OR51B5: variants seen among roughly 807,000 people sequenced by gnomAD.
OR51B5 encodes olfactory receptor 51B5.
For missense variants in OR51B5, 456 were observed against 374.6 expected (o/e 1.22, Z -1.79); for synonymous variants, 186 against 144.8 (o/e 1.28, Z -2.04).
intron 1 of OR51B5, among the ~76,000 whole-genome samples, chr11:5,400,244 G>A (rs6578638): frequency 0.94 from 142,647 of 152,268 alleles, 67,252 homozygotes; most frequent in Non-Finnish European, 0.98. Context: ...TCAGAGCATG[G>A]TAAGTGTCCA....
At chr11:5,356,937 G>C (rs1433378668) in intron 1 of OR51B5, among the ~76,000 whole-genome samples, 1 of 151,456 alleles carries the variant, frequency 6.6e-6, no homozygotes, top group Non-Finnish European at 1.5e-5. Flanking sequence ...GAGAGATTTT[G>C]TCATCACCAG....
chr11:5,461,860 C>G (rs1017063967), intron 1 of OR51B5, among the ~76,000 whole-genome samples: 30 of 152,302 alleles, frequency 2.0e-4, no homozygotes, highest in African/African-American at 6.7e-4. Flanking sequence ...CAGCTTCTGC[C>G]TGTTTCAGCA....
chr11:5,372,859 G>A (rs1367558568), intron 1 of OR51B5, among the ~76,000 whole-genome samples: 1 of 152,018 alleles, frequency 6.6e-6, no homozygotes, highest in Non-Finnish European at 1.5e-5. Flanking sequence ...CCCCCAAATG[G>A]CCAAAACAAT....
At chr11:5,422,989 T>C in intron 1 of OR51B5, 1 of 1,614,150 alleles carries the variant, frequency 6.2e-7, no homozygotes, top group Non-Finnish European at 8.5e-7. Flanking sequence ...TATCTATGAC[T>C]CATCGCTTTG....
chr11:5,479,854 T>A (rs1851386799), intron 1 of OR51B5, among the ~76,000 whole-genome samples: 1 of 141,782 alleles, frequency 7.1e-6, no homozygotes, highest in Non-Finnish European at 1.5e-5. Flanking sequence ...GCACCCAGAT[T>A]CATAAAGCAA....
chr11:5,364,589 AACTAAGCGTGAGAGGTAT>A (rs11267107), intron 1 of OR51B5, among the ~76,000 whole-genome samples: 40,576 of 151,934 alleles, frequency 0.27, 5,658 homozygotes, highest in African/African-American at 0.32. Context: ...TGAAAAAATA[AACTAAGCGTGAGAGGTAT>A]TTATGTGTCT....
chr11:5,345,181 T>C (rs999804477), upstream of OR51B5, among the ~76,000 whole-genome samples: 4 of 152,214 alleles, frequency 2.6e-5, no homozygotes, highest in African/African-American at 9.6e-5. Context: ...ATTAGGACAC[T>C]TTGAAAATCA....
chr11:5,430,078 T>G (rs1850513347), intron 1 of OR51B5, among the ~76,000 whole-genome samples: 2 of 152,042 alleles, frequency 1.3e-5, no homozygotes, highest in Admixed American at 1.3e-4. Context: ...AATAAACAAT[T>G]TATTGTTTGA....
chr11:5,378,527 C>T (rs1336153124), intron 1 of OR51B5, among the ~76,000 whole-genome samples: 1 of 152,070 alleles, frequency 6.6e-6, no homozygotes, highest in Admixed American at 6.5e-5. Flanking sequence ...AACAGGCAAC[C>T]TACACAATGG....
At chr11:5,340,641 A>G (rs184097750), downstream of OR51B5, 1 of 152,216 alleles carries the variant, frequency 6.6e-6, no homozygotes, top group African/African-American at 2.4e-5. Context: ...TACTACAAGC[A>G]TGACGGAATA....
chr11:5,493,920 T>C (rs1275927750), intron 1 of OR51B5, among the ~76,000 whole-genome samples: 2 of 152,210 alleles, frequency 1.3e-5, no homozygotes, highest in Non-Finnish European at 2.9e-5. Flanking sequence ...TATATTCATA[T>C]ATATTTTTAC....
chr11:5,394,983 T>A (rs528722565), intron 1 of OR51B5, among the ~76,000 whole-genome samples: 50 of 152,158 alleles, frequency 3.3e-4, no homozygotes, highest in Non-Finnish European at 4.1e-4. Context: ...AAAAAGAGGA[T>A]TGAGAAGCAC....
intron 1 of OR51B5, among the ~76,000 whole-genome samples, chr11:5,376,110 G>A (rs1394538419): frequency 2.0e-5 from 3 of 151,986 alleles, no homozygotes; most frequent in African/African-American, 7.3e-5. Flanking sequence ...ATAACAAACT[G>A]TCTCTCAGAC....
chr11:5,489,914 G>GT (rs1211789746), intron 1 of OR51B5, among the ~76,000 whole-genome samples: 3 of 152,192 alleles, frequency 2.0e-5, no homozygotes, highest in African/African-American at 7.2e-5. Context: ...AAAAGTGTCT[G>GT]TGACTTACTA....
At chr11:5,477,179 G>T (rs1851321462) in intron 1 of OR51B5, among the ~76,000 whole-genome samples, 1 of 152,058 alleles carries the variant, frequency 6.6e-6, no homozygotes, top group Non-Finnish European at 1.5e-5. Flanking sequence ...CTCATCAACT[G>T]AATTTCGTGA....
chr11:5,386,978 T>G (rs1024000030), intron 1 of OR51B5, among the ~76,000 whole-genome samples: 3 of 152,124 alleles, frequency 2.0e-5, no homozygotes, highest in Non-Finnish European at 4.4e-5. Flanking sequence ...AGTATCCTTT[T>G]GGAAACACCT....
chr11:5,353,136 C>T (rs1255160141), intron 1 of OR51B5, among the ~76,000 whole-genome samples: 4 of 151,986 alleles, frequency 2.6e-5, no homozygotes, highest in Non-Finnish European at 5.9e-5. Flanking sequence ...GAGAGTAAGC[C>T]ATTTCCCTCA....
chr11:5,454,949 T>C (rs1386868502), intron 1 of OR51B5: 3 of 152,568 alleles, frequency 2.0e-5, no homozygotes, highest in Admixed American at 6.5e-5. Flanking sequence ...GACGGTCAAA[T>C]TGGCATCATT....
chr11:5,446,770 G>A (rs1850769932), intron 1 of OR51B5, among the ~76,000 whole-genome samples: 1 of 152,164 alleles, frequency 6.6e-6, no homozygotes, highest in Non-Finnish European at 1.5e-5. Context: ...CTGTCCAGTG[G>A]ATGCCACAGA....
Sources: gnomAD v4.1 joint callset for allele counts (sites outside exome capture counted in the v4.1 genomes callset) on GRCh38, gnomAD v4.1.1 for gene constraint, MANE v1.5 for transcripts, NCBI Gene and HGNC (gene_info 2026-07-23, HGNC 2026-07-21) for gene names.